Variants in SUGP1 observed in about 807,000 individuals in gnomAD.
The protein encoded by SUGP1 is SURP and G-patch domain containing 1, also known as SURP and G-patch domain-containing protein 1.
A neutral mutation model predicts 76.5 loss-of-function variants in SUGP1; 34 were observed. The observed-to-expected ratio is 0.44, with a 90% CI of 0.34 to 0.59. The LOEUF is 0.59. Ranked by LOEUF, SUGP1 falls within the 20% of genes least tolerant of loss-of-function variation. SUGP1 has a pLI of 0.01. For missense variants in SUGP1, 752 were observed against 851.7 expected (o/e 0.88, Z 1.46); for synonymous variants, 326 against 326.2 (o/e 1.00, Z 0.01).
intron 8 of SUGP1, among the ~76,000 whole-genome samples, chr19:19,288,229 G>A (rs1000755385): frequency 1.3e-5 from 2 of 151,982 alleles, no homozygotes; most frequent in Non-Finnish European, 2.9e-5. Flanking sequence ...GCAGTGCCAC[G>A]ATCATAGCTC....
chr19:19,280,435 G>A (rs1188374872), intron 8 of SUGP1, 144 bp from the exon 9 acceptor site: 1 of 717,702 alleles, frequency 1.4e-6, no homozygotes. Context: ...GTGCCACGTG[G>A]TACGTGACGG....
intron 8 of SUGP1, among the ~76,000 whole-genome samples, chr19:19,289,489 T>C (rs1042929374): frequency 2.0e-5 from 3 of 152,126 alleles, no homozygotes; most frequent in Admixed American, 2.0e-4. Context: ...GGCTCACGCC[T>C]GTAATCCTAG....
chr19:19,314,005 G>C (rs568723036), intron 2 of SUGP1, among the ~76,000 whole-genome samples: 1 of 152,070 alleles, frequency 6.6e-6, no homozygotes, highest in Admixed American at 6.6e-5. Context: ...GGGCACGATG[G>C]TGGGTTCCTG....
intron 8 of SUGP1, among the ~76,000 whole-genome samples, chr19:19,291,435 A>G (rs914351370): frequency 2.6e-5 from 4 of 152,224 alleles, no homozygotes; most frequent in Non-Finnish European, 5.9e-5. Context: ...AAAATAAGAC[A>G]TAAGTTAAAA....
intron 8 of SUGP1, among the ~76,000 whole-genome samples, chr19:19,282,136 C>T (rs978652929): frequency 2.0e-5 from 3 of 152,270 alleles, no homozygotes; most frequent in African/African-American, 7.2e-5. Context: ...CGTGGCACCA[C>T]ATCCAGCTAA....
chr19:19,313,251 C>T (rs535301153), intron 2 of SUGP1, among the ~76,000 whole-genome samples: 8 of 151,982 alleles, frequency 5.3e-5, no homozygotes, highest in African/African-American at 1.7e-4. Flanking sequence ...AAAAATTAGC[C>T]GGGCGTGGTA....
chr19:19,279,317 G>T lies in SUGP1; in HGVS notation c.1424C>A (p.Ala475Glu), dbSNP rs149904112. 69 of 1,610,982 alleles carry T rather than the reference G, an allele frequency of 4.3e-5. No individual in the cohort carries two copies. The highest frequency in any genetic ancestry group is 5.7e-5 in the Non-Finnish European group (67 of 1,179,780). Residue 475 changes from alanine to glutamate, a missense_variant, in exon 10 of 14, where the codon GCA (alanine) becomes GAA (glutamate). By Grantham distance (107) the Ala-to-Glu change is moderately radical. Coordinates refer to ENST00000247001, the MANE Select transcript of SUGP1 (RefSeq NM_172231.4). ...ATAGCCGTGCTGGTGCTGTTGGACT[G>T]CCTTCTCCCACAGCAGCTGCATGTC... Reference protein sequence around the residue: ...MQDMQLLWEKAVQQHQHGYDS... With the variant: ...MQDMQLLWEKEVQQHQHGYDS...
intron 8 of SUGP1, among the ~76,000 whole-genome samples, chr19:19,287,515 T>C (rs1009123879): frequency 2.6e-5 from 4 of 152,172 alleles, no homozygotes; most frequent in African/African-American, 2.4e-5. Flanking sequence ...TGAGCTGAGA[T>C]TGTGCCGCTG....
At position 19,316,491 on chromosome 19, in the gene SUGP1, A is replaced by C; in HGVS notation, c.137T>G (p.Ile46Ser). ...EELIAQKKREIEAKMEQKAKQ... is the reference protein window; with the variant it reads ...EELIAQKKRESEAKMEQKAKQ... ...GGCTTTCTGTTCCATTTTGGCTTCA[A>C]TTTCCCGTTTCTTCTGAGCGATGAG... Residue 46 changes from isoleucine (I) to serine (S), a missense_variant, in exon 2 of 14, where the codon ATT becomes AGT. By Grantham distance (142) the Ile-to-Ser change is moderately radical. Coordinates refer to ENST00000247001, the MANE Select transcript of SUGP1 (RefSeq NM_172231.4). The C allele has an allele frequency of 6.2e-7, 1 of 1,613,678 alleles. No homozygotes were observed. The highest frequency in any genetic ancestry group is 1.1e-5 in the South Asian group (1 of 91,066).
rs780034609 is a variant in SUGP1, at chr19:19,320,432, C to A, written c.34+31G>T. On this transcript the variant is annotated intron_variant, in intron 1 of 13. Coordinates refer to ENST00000247001, the MANE Select transcript of SUGP1 (RefSeq NM_172231.4). ...AGACACCTAGCCCCAGGGACCCAGG[C>A]GGCCGCCTGAGAGGAGGCGGGGGCT... 43 of 1,606,338 alleles carry A rather than the reference C, an allele frequency of 2.7e-5. No homozygotes were observed. The East Asian group carries it at 9.0e-4, about 34-fold the overall frequency.
chr19:19,288,523 G>T (rs183867040), intron 8 of SUGP1, among the ~76,000 whole-genome samples: 6 of 152,242 alleles, frequency 3.9e-5, no homozygotes, highest in South Asian at 4.1e-4. Context: ...TGTAGAGGCT[G>T]AGGTGGGCAG....
chr19:19,306,158 C>T, intron 3 of SUGP1, 82 bp from the exon 4 acceptor site: 1 of 1,342,258 alleles, frequency 7.5e-7, no homozygotes, highest in East Asian at 2.6e-5. Context: ...GTGCTGTGGG[C>T]CCCGGGGGAG....
At chr19:19,283,316 G>A (rs558369291) in intron 8 of SUGP1, among the ~76,000 whole-genome samples, 55 of 152,192 alleles carry the variant, frequency 3.6e-4, no homozygotes, top group African/African-American at 1.2e-3. Context: ...ACCCACGCTG[G>A]AGTGTAATGG....
chr19:19,306,088 G>C lies in SUGP1; in HGVS notation c.311-12C>G, dbSNP rs763853796. On this transcript the variant is annotated splice_polypyrimidine_tract_variant and intron_variant, in intron 3 of 13. Transcript: ENST00000247001. ...ACTGGTCGGGGCGTCTGGTATAGAA[G>C]GAAGGATATGCGCACTCGGGATCTG... 7.7e-6 allele frequency: 12 copies of C among 1,565,908 alleles called. No individual in the cohort carries two copies. In the African/African-American group the frequency reaches 1.5e-4, roughly 20 times the overall value.
At chr19:19,280,138 C>T in intron 9 of SUGP1, 47 bp downstream of exon 9, 1 of 1,579,562 alleles carries the variant, frequency 6.3e-7, no homozygotes, top group East Asian at 2.2e-5. Flanking sequence ...GGACAACACT[C>T]TATGGGCGCC....
chr19:19,286,197 T>C (rs1322746841), intron 8 of SUGP1, among the ~76,000 whole-genome samples: 1 of 152,202 alleles, frequency 6.6e-6, no homozygotes, highest in Non-Finnish European at 1.5e-5. Flanking sequence ...TATTGGACAA[T>C]GCCCCTGGCC....
intron 8 of SUGP1, among the ~76,000 whole-genome samples, chr19:19,285,807 C>T (rs188247550): frequency 0.011 from 1,601 of 152,226 alleles, 25 homozygotes; most frequent in Non-Finnish European, 0.012. Context: ...TCAAGCGATC[C>T]GCCCACCTCG....
At chr19:19,316,624 C>A in intron 1 of SUGP1, 31 bp from the exon 2 acceptor site, 1 of 1,610,314 alleles carries the variant, frequency 6.2e-7, no homozygotes, top group South Asian at 1.1e-5. Flanking sequence ...CGTCGGAAAT[C>A]ACCCTTACTC....
At chr19:19,299,160 T>TA (rs1266350956) in intron 7 of SUGP1, among the ~76,000 whole-genome samples, 1 of 152,156 alleles carries the variant, frequency 6.6e-6, no homozygotes, top group Admixed American at 6.5e-5. Flanking sequence ...ATCCCAGTTT[T>TA]AAAAAAAATT....
Sources: allele counts gnomAD v4.1 joint callset (sites outside exome capture counted in the v4.1 genomes callset), GRCh38; gene constraint gnomAD v4.1.1; transcripts MANE v1.5; gene names NCBI Gene and HGNC (gene_info 2026-07-23, HGNC 2026-07-21).